The following FAM53B variants were observed in gnomAD, a reference collection of about 807,000 sequenced individuals.
FAM53B encodes the protein protein FAM53B.
A neutral mutation model predicts 32.7 loss-of-function variants in FAM53B; 12 were observed. That is an observed-to-expected ratio of 0.37 (90% CI 0.24 to 0.59). FAM53B has a LOEUF of 0.59. Ranked by LOEUF, FAM53B falls within the 20% of genes least tolerant of loss-of-function variation. FAM53B has a pLI of 0.72. For synonymous variants in FAM53B, 234 were observed against 228.7 expected (o/e 1.02, Z -0.21); for missense variants, 477 against 577.7 (o/e 0.83, Z 1.79).
chr10:124,624,327 A>G (rs759789635), intron 4 of FAM53B, among the ~76,000 whole-genome samples: 4 of 152,188 alleles, frequency 2.6e-5, no homozygotes, highest in Non-Finnish European at 4.4e-5. Flanking sequence ...CTGGGGAAAC[A>G]TGAGTTCTCG....
At chr10:124,723,503 C>T (rs1458202420) in intron 1 of FAM53B, among the ~76,000 whole-genome samples, 1 of 152,252 alleles carries the variant, frequency 6.6e-6, no homozygotes, top group African/African-American at 2.4e-5. Context: ...TCTGATCATA[C>T]TCACACCTCC....
intron 1 of FAM53B, among the ~76,000 whole-genome samples, chr10:124,711,709 G>A (rs372841563): frequency 2.1e-4 from 32 of 152,276 alleles, no homozygotes; most frequent in African/African-American, 6.5e-4. Context: ...GGAATTTAGC[G>A]GCCCTGGCCT....
intron 1 of FAM53B, among the ~76,000 whole-genome samples, chr10:124,743,693 C>T (rs1056885511): frequency 3.9e-5 from 6 of 152,094 alleles, no homozygotes; most frequent in Non-Finnish European, 5.9e-5. Context: ...CCCGCGCCCG[C>T]CCGCCCTGGC....
At chr10:124,710,093 C>T (rs931540398) in intron 1 of FAM53B, among the ~76,000 whole-genome samples, 13 of 152,222 alleles carry the variant, frequency 8.5e-5, no homozygotes, top group African/African-American at 1.9e-4. Context: ...AGTATGGGAA[C>T]GGTGAGCGTG....
intron 2 of FAM53B, among the ~76,000 whole-genome samples, chr10:124,699,918 C>T (rs116580117): frequency 1.4e-3 from 210 of 152,380 alleles, no homozygotes; most frequent in African/African-American, 4.8e-3. Flanking sequence ...CCCCTCCTCT[C>T]CAGCCCTGCG....
chr10:124,716,585 A>G (rs1950039838), intron 1 of FAM53B, among the ~76,000 whole-genome samples: 1 of 152,210 alleles, frequency 6.6e-6, no homozygotes, highest in Non-Finnish European at 1.5e-5. Flanking sequence ...CTTGAAACTG[A>G]AGCCAACTGC....
At chr10:124,662,954 G>A (rs552802541) in intron 4 of FAM53B, among the ~76,000 whole-genome samples, 1 of 152,308 alleles carries the variant, frequency 6.6e-6, no homozygotes, top group Non-Finnish European at 1.5e-5. Flanking sequence ...CTCAAGCCTG[G>A]AATGCCCACC....
intron 3 of FAM53B, among the ~76,000 whole-genome samples, chr10:124,686,565 C>T (rs1361675237): frequency 6.6e-6 from 1 of 152,226 alleles, no homozygotes; most frequent in African/African-American, 2.4e-5. Context: ...TGAAGATACA[C>T]CTTTCTCCTA....
intron 4 of FAM53B, among the ~76,000 whole-genome samples, chr10:124,664,221 C>A (rs1468685224): frequency 2.0e-5 from 3 of 152,100 alleles, no homozygotes; most frequent in Non-Finnish European, 4.4e-5. Flanking sequence ...TGCCTGACAC[C>A]AGCAGATCAA....
intron 4 of FAM53B, among the ~76,000 whole-genome samples, chr10:124,629,612 T>C (rs892296622): frequency 2.0e-5 from 3 of 152,064 alleles, no homozygotes; most frequent in African/African-American, 7.2e-5. Flanking sequence ...AAACAGACGC[T>C]TGCATGAGAA....
At chr10:124,688,482 G>A (rs1949815363) in intron 3 of FAM53B, among the ~76,000 whole-genome samples, 1 of 152,214 alleles carries the variant, frequency 6.6e-6, no homozygotes, top group South Asian at 2.1e-4. Context: ...AGATGGGAGG[G>A]TGAACACACA....
In FAM53B at chr10:124,714,370, G is replaced by A. The variant is rs554880670; in HGVS notation, c.-174-7483C>T. On this transcript the variant is annotated intron_variant, in intron 1 of 4. Transcript: ENST00000337318. ...TCTATACTATAGTGAACATTTCAAC[G>A]ACTCCCACAGCCAGGGTTCCCATGT... Among the ~76,000 whole-genome samples, 5 of 152,108 alleles carry A rather than the reference G, an allele frequency of 3.3e-5. No individual in the cohort carries two copies. In the East Asian group the frequency reaches 5.8e-4, roughly 18 times the overall value.
At chr10:124,694,060 G>C (rs1216431836) in intron 3 of FAM53B, among the ~76,000 whole-genome samples, 1 of 152,242 alleles carries the variant, frequency 6.6e-6, no homozygotes, top group Non-Finnish European at 1.5e-5. Context: ...GACCCATGGA[G>C]AGAGAGCAGC....
intron 4 of FAM53B, among the ~76,000 whole-genome samples, chr10:124,652,548 TCA>T (rs1321456243): frequency 6.6e-6 from 1 of 152,176 alleles, no homozygotes; most frequent in Admixed American, 6.5e-5. Context: ...TCCTCTGGCC[TCA>T]GTGGCTTCAC....
At chr10:124,678,037 T>C (rs116468478) in intron 4 of FAM53B, among the ~76,000 whole-genome samples, 107 of 152,004 alleles carry the variant, frequency 7.0e-4, no homozygotes, top group African/African-American at 2.5e-3. Context: ...GGCAAGAAGA[T>C]GAACAAACAA....
At chr10:124,631,604 A>G (rs1266097544) in intron 4 of FAM53B, among the ~76,000 whole-genome samples, 1 of 152,212 alleles carries the variant, frequency 6.6e-6, no homozygotes, top group Non-Finnish European at 1.5e-5. Flanking sequence ...CCCGCCACGC[A>G]GGCCAGAGCC....
chr10:124,709,365 G>C (rs1949984307), intron 1 of FAM53B, among the ~76,000 whole-genome samples: 1 of 152,200 alleles, frequency 6.6e-6, no homozygotes, highest in East Asian at 1.9e-4. Flanking sequence ...GCTCTCTCTA[G>C]CTCCATCCCC....
chr10:124,713,285 T>C (rs373706517), intron 1 of FAM53B: 1 of 152,234 alleles, frequency 6.6e-6, no homozygotes, highest in African/African-American at 2.4e-5. Context: ...TTGCCCAATA[T>C]CATACATCTA....
In FAM53B at chr10:124,621,885, ATTG is replaced by A. The variant is rs1313556462; in HGVS notation, c.*1354_*1356del. ...TTGCTCCTAAGCCAGCCCAATTGCT[ATTG>A]TTTGCAGAAGACGCCACATTCGCTA... On this transcript the variant is annotated 3_prime_UTR_variant, in exon 5 of 5. Transcript: ENST00000337318. The A allele has an allele frequency of 2.6e-5, 4 of 152,450 alleles. No homozygotes were observed. The highest frequency in any genetic ancestry group is 5.9e-5 in the Non-Finnish European group (4 of 68,056). The allele number at this position is 152,450 out of a possible 1,614,324, so 9.4% of individuals were successfully genotyped here. A position where few individuals can be genotyped will look rare whatever the true frequency, so the allele number is the denominator to read the frequency against.
Sources: allele counts gnomAD v4.1 joint callset (sites outside exome capture counted in the v4.1 genomes callset), GRCh38; gene constraint gnomAD v4.1.1; transcripts MANE v1.5; gene names NCBI Gene and HGNC (gene_info 2026-07-23, HGNC 2026-07-21).